PRKG1: variants seen among roughly 807,000 people sequenced by gnomAD.
The protein encoded by PRKG1 is protein kinase cGMP-dependent 1, also known as cGMP-dependent protein kinase 1.
In PRKG1, 35 loss-of-function variants were observed where a neutral mutation model predicts 88.1. That is an observed-to-expected ratio of 0.40 (90% CI 0.30 to 0.53). PRKG1 has a LOEUF of 0.53. PRKG1 is among the 20% of genes least tolerant of loss of function. The pLI is 0.59. For missense variants in PRKG1, 540 were observed against 839.8 expected (o/e 0.64, Z 4.41); for synonymous variants, 303 against 292.5 (o/e 1.04, Z -0.37).
At chr10:51,089,247 T>C (rs1003643985) in intron 1 of PRKG1, among the ~76,000 whole-genome samples, 1 of 152,188 alleles carries the variant, frequency 6.6e-6, no homozygotes, top group Non-Finnish European at 1.5e-5. Flanking sequence ...AATTGGTTAA[T>C]CTTAAAAATA....
chr10:51,966,278 C>T (rs2133080391), intron 5 of PRKG1, among the ~76,000 whole-genome samples: 1 of 152,202 alleles, frequency 6.6e-6, no homozygotes, highest in East Asian at 1.9e-4. Flanking sequence ...TCATTGTAAT[C>T]TCTTATTATT....
At chr10:51,272,637 A>G (rs1453690712) in intron 2 of PRKG1, among the ~76,000 whole-genome samples, 4 of 152,114 alleles carry the variant, frequency 2.6e-5, no homozygotes, top group Non-Finnish European at 5.9e-5. Flanking sequence ...TGCATGCTTT[A>G]TGTTCTAGGG....
intron 3 of PRKG1, among the ~76,000 whole-genome samples, chr10:51,637,914 C>A (rs1049019864): frequency 2.8e-4 from 43 of 152,150 alleles, no homozygotes; most frequent in African/African-American, 8.4e-4. Context: ...CATGTGTATC[C>A]CTGAACTTAA....
intron 2 of PRKG1, among the ~76,000 whole-genome samples, chr10:51,371,702 A>G (rs1419091940): frequency 6.6e-6 from 1 of 152,160 alleles, no homozygotes; most frequent in Non-Finnish European, 1.5e-5. Flanking sequence ...CTGCAGTCTC[A>G]TCACCTGCAC....
chr10:51,270,658 G>GAA (rs34944647), intron 2 of PRKG1, among the ~76,000 whole-genome samples: 2 of 151,770 alleles, frequency 1.3e-5, no homozygotes, highest in African/African-American at 2.4e-5. Context: ...TTTTCTCTCA[G>GAA]AAAAAAATCA....
chr10:51,681,014 G>A (rs895034714), intron 3 of PRKG1, among the ~76,000 whole-genome samples: 1 of 152,126 alleles, frequency 6.6e-6, no homozygotes, highest in African/African-American at 2.4e-5. Context: ...ACTACCAGTT[G>A]ACTACCTGTT....
intron 1 of PRKG1, among the ~76,000 whole-genome samples, chr10:51,040,598 G>C (rs1474766046): frequency 1.3e-5 from 2 of 151,902 alleles, no homozygotes; most frequent in Admixed American, 6.6e-5. Context: ...GACTACAGTT[G>C]TGAGCCACCA....
chr10:50,994,433 G>C (rs1193372227), intron 1 of PRKG1, among the ~76,000 whole-genome samples: 1 of 125,672 alleles, frequency 8.0e-6, no homozygotes, highest in Non-Finnish European at 1.6e-5. Context: ...TTTTTGAGGC[G>C]GAGTCTCGCT....
intron 5 of PRKG1, among the ~76,000 whole-genome samples, chr10:51,945,617 T>C (rs893020375): frequency 3.5e-4 from 53 of 151,642 alleles, no homozygotes; most frequent in African/African-American, 8.2e-4. Flanking sequence ...CCATGTTTAG[T>C]GCTTCCTTCA....
intron 2 of PRKG1, among the ~76,000 whole-genome samples, chr10:51,240,384 C>G (rs1839120408): frequency 6.6e-6 from 1 of 152,138 alleles, no homozygotes; most frequent in African/African-American, 2.4e-5. Flanking sequence ...CCAATTTTGC[C>G]TGAGAAAAGA....
intron 5 of PRKG1, among the ~76,000 whole-genome samples, chr10:51,991,059 T>C (rs1844292606): frequency 6.6e-6 from 1 of 152,202 alleles, no homozygotes; most frequent in Admixed American, 6.5e-5. Flanking sequence ...TTTACCTCCT[T>C]GGTTAAATTC....
intron 4 of PRKG1, among the ~76,000 whole-genome samples, chr10:51,809,339 C>T (rs148197701): frequency 3.3e-5 from 5 of 151,572 alleles, no homozygotes; most frequent in East Asian, 1.9e-4. Flanking sequence ...GGCATAATTG[C>T]TATAAGTCAA....
At chr10:51,246,579 T>C (rs1839296543) in intron 2 of PRKG1, among the ~76,000 whole-genome samples, 1 of 149,392 alleles carries the variant, frequency 6.7e-6, no homozygotes, top group Non-Finnish European at 1.5e-5. Flanking sequence ...AGAATGTTTC[T>C]AACCCCTGGC....
chr10:52,183,492 G>C (rs1315383483), intron 9 of PRKG1, among the ~76,000 whole-genome samples: 2 of 152,340 alleles, frequency 1.3e-5, no homozygotes, highest in Non-Finnish European at 2.9e-5. Flanking sequence ...CTGCCAGACT[G>C]TTCCTCCAGC....
At chr10:51,552,630 G>A (rs1429896448) in intron 3 of PRKG1, among the ~76,000 whole-genome samples, 2 of 151,546 alleles carry the variant, frequency 1.3e-5, no homozygotes, top group African/African-American at 4.8e-5. Context: ...CATTTAATGT[G>A]ACCATACTAC....
intron 1 of PRKG1, among the ~76,000 whole-genome samples, chr10:51,117,914 A>G (rs927928232): frequency 6.6e-6 from 1 of 152,214 alleles, no homozygotes; most frequent in Admixed American, 6.6e-5. Flanking sequence ...GAGATATTCC[A>G]TGGCTTCTTA....
chr10:51,732,824 T>G (rs1306617252), intron 3 of PRKG1, among the ~76,000 whole-genome samples: 1 of 152,156 alleles, frequency 6.6e-6, no homozygotes, highest in African/African-American at 2.4e-5. Context: ...GCTATCTTAC[T>G]AGATGGGAGA....
chr10:51,902,748 AC>A (rs1413529397), intron 4 of PRKG1, among the ~76,000 whole-genome samples: 1 of 152,146 alleles, frequency 6.6e-6, no homozygotes, highest in African/African-American at 2.4e-5. Context: ...ATTATAGAAG[AC>A]CCAAGAACAA....
At chr10:51,688,242 G>A (rs923023153) in intron 3 of PRKG1, among the ~76,000 whole-genome samples, 1 of 151,972 alleles carries the variant, frequency 6.6e-6, no homozygotes, top group South Asian at 2.1e-4. Context: ...GTCTGGGTGG[G>A]CACCTAGATT....
Sources: gnomAD v4.1 joint callset for allele counts (sites outside exome capture counted in the v4.1 genomes callset) on GRCh38, gnomAD v4.1.1 for gene constraint, MANE v1.5 for transcripts, NCBI Gene and HGNC (gene_info 2026-07-23, HGNC 2026-07-21) for gene names.